GRPEL1: variants seen among roughly 807,000 people sequenced by gnomAD.
GRPEL1 encodes GrpE like 1, mitochondrial.
GRPEL1 carries 13 observed loss-of-function variants against 22.1 expected under a neutral mutation model. The observed-to-expected ratio is 0.59, with a 90% CI of 0.38 to 0.94. GRPEL1 has a LOEUF of 0.94. GRPEL1 is among the 40% of genes least tolerant of loss of function. The probability of loss-of-function intolerance (pLI) is 0.00; values close to 1 mark genes in which losing one functional copy is unlikely to be tolerated. For synonymous variants in GRPEL1, 109 were observed against 105.3 expected, an observed-to-expected ratio of 1.03 and a Z score of -0.21; for missense variants, 289 against 264.6, an observed-to-expected ratio of 1.09 and a Z score of -0.64.
In GRPEL1 at chr4:7,064,314, A is replaced by T. The variant is rs1434282081; in HGVS notation, c.63-91T>A. The T allele has an allele frequency of 3.0e-6, 4 of 1,349,278 alleles. No homozygotes were observed. The African/African-American group carries it at 4.4e-5, about 15-fold the overall frequency. The allele number at this position is 1,349,278 out of a possible 1,614,324, so 83.6% of individuals were successfully genotyped here. The stretch of plus-strand genomic sequence containing the variant: ...GACTTTAGAAACTTAAAATAGCTTC[A>T]AACTATTTACTATTACTTGGGGAGA... On this transcript the variant is annotated intron_variant, in intron 1 of 3. Transcript: ENST00000264954.
chr4:7,061,405 A>G, intron 3 of GRPEL1, 197 bp from the exon 4 acceptor site: 1 of 557,472 alleles, frequency 1.8e-6, no homozygotes, highest in Non-Finnish European at 3.1e-6. Flanking sequence ...CCCAGAATTT[A>G]CTAAATTTAG....
chr4:7,061,230 C>G lies in GRPEL1; in HGVS notation c.308-22G>C, dbSNP rs376078373. On this transcript the variant is annotated intron_variant, in intron 3 of 3. Transcript: ENST00000264954. ...ATGCCTGGATGAAGTTAAAGAAGAT[C>G]ATTTGCACTCCATACCAACCGCACA... 4.1e-5 allele frequency: 64 copies of G among 1,580,212 alleles called. No homozygotes were observed. The African/African-American group carries it at 7.2e-4, about 18-fold the overall frequency.
rs967458504 is a variant in GRPEL1, at chr4:7,060,371, G to C, written c.*491C>G. Reference sequence around the variant, plus strand: ...GACTGAAGACAAACGAACTCACTATGTTCTTCACAAAGATCATTTTTTTTA... The same window carrying C: ...GACTGAAGACAAACGAACTCACTATCTTCTTCACAAAGATCATTTTTTTTA... On this transcript the variant is annotated 3_prime_UTR_variant, in exon 4 of 4. Transcript: ENST00000264954. 1.9e-5 allele frequency: 3 copies of C among 157,148 alleles called. No individual in the cohort carries two copies. Among genetic ancestry groups the C allele is most frequent in the African/African-American group, 7.2e-5 (3 of 41,448 alleles). The allele number at this position is 157,148 out of a possible 1,614,324, so 9.7% of individuals were successfully genotyped here.
intron 2 of GRPEL1, among the ~76,000 whole-genome samples, chr4:7,063,096 CTTT>C (rs767635624): frequency 7.0e-6 from 1 of 142,048 alleles, no homozygotes; most frequent in Non-Finnish European, 1.5e-5. Context: ...TCATCTGAGC[CTTT>C]TTTTTTTTTT....
chr4:7,063,987 C>T lies in GRPEL1; in HGVS notation c.225+74G>A, dbSNP rs1443267595. On this transcript the variant is annotated intron_variant, in intron 2 of 3. Coordinates refer to ENST00000264954, the MANE Select transcript of GRPEL1 (RefSeq NM_025196.4). ...GGCTTTAGTCTGTCACCAATGAAAC[C>T]TGGAACCTTTATGTGGCCCAGGAGA... The T allele has an allele frequency of 2.0e-6, 3 of 1,500,706 alleles. No homozygotes were observed. In the African/African-American group the frequency reaches 4.2e-5, roughly 21 times the overall value. 93.0% of individuals were successfully genotyped at this position (1,500,706 alleles called of 1,614,324 possible).
Position 7,060,652 on chromosome 4 carries a change from AT to A in GRPEL1, c.*209del. 1 of 588,010 alleles carries A rather than the reference AT, an allele frequency of 1.7e-6. No individual in the cohort carries two copies. The allele number at this position is 588,010 out of a possible 1,614,324, so 36.4% of individuals were successfully genotyped here. A position where few individuals can be genotyped will look rare whatever the true frequency, so the allele number is the denominator to read the frequency against. Reference sequence around the variant, plus strand: ...AGCTCTTCTGAAAGTATGTGGAACTATTCAACGCGTGGCACTAAAAGGGAAC... The same window carrying A: ...AGCTCTTCTGAAAGTATGTGGAACTATCAACGCGTGGCACTAAAAGGGAAC... On this transcript the variant is annotated 3_prime_UTR_variant, in exon 4 of 4. Transcript: ENST00000264954.
chr4:7,067,524 G>A, intron 1 of GRPEL1: 1 of 196,608 alleles, frequency 5.1e-6, no homozygotes, highest in Non-Finnish European at 1.0e-5. Flanking sequence ...CTCCTGCCCA[G>A]GGCACACCCG....
In GRPEL1 at chr4:7,059,553, G is replaced by A. The variant is rs1723986600; in HGVS notation, c.*1309C>T. 1 of 152,154 alleles carries A rather than the reference G, an allele frequency of 6.6e-6. No individual in the cohort carries two copies. The highest frequency in any genetic ancestry group is 2.1e-4 in the South Asian group (1 of 4,830). 9.4% of individuals were successfully genotyped at this position (152,154 alleles called of 1,614,324 possible). A position where few individuals can be genotyped will look rare whatever the true frequency, so the allele number is the denominator to read the frequency against. Reference sequence around the variant, plus strand: ...AATTAACTTAAGGCATCTTAAAGGTGGAACATGTTTGGGAATGGTATCCCA... The same window carrying A: ...AATTAACTTAAGGCATCTTAAAGGTAGAACATGTTTGGGAATGGTATCCCA... On this transcript the variant is annotated 3_prime_UTR_variant, in exon 4 of 4. Coordinates refer to ENST00000264954, the MANE Select transcript of GRPEL1 (RefSeq NM_025196.4).
chr4:7,062,356 G>T, intron 3 of GRPEL1, 29 bp downstream of exon 3: 1 of 1,227,346 alleles, frequency 8.1e-7, no homozygotes, highest in Non-Finnish European at 1.2e-6. Flanking sequence ...CTTCTTTCCG[G>T]AATCAACACC....
intron 1 of GRPEL1, chr4:7,067,639 A>C (rs1724202661): frequency 1.3e-5 from 5 of 396,426 alleles, no homozygotes; most frequent in Non-Finnish European, 2.3e-5. Flanking sequence ...GAGCGCCGAG[A>C]CCGTGAATGC....
Position 7,060,945 on chromosome 4 carries a change from CTG to C in GRPEL1, c.569_570del (p.Thr190SerfsTer5). On this transcript the variant is annotated frameshift_variant, in exon 4 of 4. Transcript: ENST00000264954. LOFTEE classifies it high-confidence loss of function. The part of the protein sequence containing the change: ...HTPVEGKEPG[T>X]VALVSKVGYK... ...TACCCCACTTTGCTAACTAGGGCCACTGTGCCTGGCTCCTTCCCCTCAACCGG... is the reference window on the plus strand; with the variant it reads ...TACCCCACTTTGCTAACTAGGGCCACTGCCTGGCTCCTTCCCCTCAACCGG... The C allele has an allele frequency of 6.2e-7, 1 of 1,614,218 alleles. No individual in the cohort carries two copies. Among genetic ancestry groups the C allele is most frequent in the Non-Finnish European group, 8.5e-7 (1 of 1,180,046 alleles).
chr4:7,063,956 A>G, intron 2 of GRPEL1, 105 bp downstream of exon 2: 1 of 1,323,914 alleles, frequency 7.6e-7, no homozygotes. Flanking sequence ...ACAACGGCTT[A>G]ACTCTGGCTT....
At chr4:7,066,607 G>A (rs1430689264) in intron 1 of GRPEL1, among the ~76,000 whole-genome samples, 1 of 152,224 alleles carries the variant, frequency 6.6e-6, no homozygotes, top group African/African-American at 2.4e-5. Context: ...TAAAAACTGA[G>A]TGTACTGTTG....
Position 7,061,155 on chromosome 4 carries a change from C to T in GRPEL1, c.361G>A (p.Ala121Thr). The change falls in exon 4 of 4, where the codon GCA (alanine) becomes ACA (threonine). Residue 121 changes from alanine to threonine, a missense_variant. By Grantham distance (58) the Ala-to-Thr change is moderately conservative. Transcript: ENST00000264954. Reference sequence around the variant, plus strand: ...TCTTCTTTTGGAACACACTGTGTTGCCTTCTCCAGAACGTCTGCCACCTCC... The same window carrying T: ...TCTTCTTTTGGAACACACTGTGTTGTCTTCTCCAGAACGTCTGCCACCTCC... ...LLEVADVLEK[A>T]TQCVPKEEIK... 6.2e-7 allele frequency: 1 copy of T among 1,614,032 alleles called. No homozygotes were observed. The highest frequency in any genetic ancestry group is 1.1e-5 in the South Asian group (1 of 91,062).
chr4:7,064,017 C>A (rs376303484), intron 2 of GRPEL1, 44 bp downstream of exon 2: 8 of 1,588,908 alleles, frequency 5.0e-6, no homozygotes, highest in South Asian at 1.1e-5. Flanking sequence ...AGGAGAGAAA[C>A]AGTTCAGCCG....
intron 1 of GRPEL1, among the ~76,000 whole-genome samples, chr4:7,066,498 G>A (rs562354774): frequency 2.4e-4 from 36 of 152,334 alleles, no homozygotes; most frequent in African/African-American, 8.7e-4. Context: ...GTGGAAAGAA[G>A]TGGAGTGGAA....
Position 7,060,932 on chromosome 4 carries a change from C to A in GRPEL1, c.584G>T (p.Ser195Ile). The A allele has an allele frequency of 1.9e-6, 3 of 1,614,206 alleles. No homozygotes were observed. The highest frequency in any genetic ancestry group is 2.5e-6 in the Non-Finnish European group (3 of 1,180,038). ...CCCATGCAGCTTGTACCCCACTTTGCTAACTAGGGCCACTGTGCCTGGCTC... is the reference window on the plus strand; with the variant it reads ...CCCATGCAGCTTGTACCCCACTTTGATAACTAGGGCCACTGTGCCTGGCTC... ...GKEPGTVALV[S>I]KVGYKLHGRT... is the part of the protein sequence containing the mutation. The change falls in exon 4 of 4, where the codon AGC becomes ATC. Residue 195 changes from serine (S) to isoleucine (I), a missense_variant. Coordinates refer to ENST00000264954, the MANE Select transcript of GRPEL1 (RefSeq NM_025196.4).
At chr4:7,067,764 C>G (rs972897812) in intron 1 of GRPEL1, among the ~76,000 whole-genome samples, 2 of 152,250 alleles carry the variant, frequency 1.3e-5, no homozygotes, top group Admixed American at 6.5e-5. Context: ...CCCGCCCGCT[C>G]CACGCTTCCC....
intron 1 of GRPEL1, 29 bp downstream of exon 1, chr4:7,067,942 T>A: frequency 1.2e-6 from 2 of 1,610,758 alleles, no homozygotes; most frequent in Non-Finnish European, 1.7e-6. Context: ...CGCTGCCACC[T>A]CCACCCAGGG....
Sources: gnomAD v4.1 joint callset for allele counts (sites outside exome capture counted in the v4.1 genomes callset) on GRCh38, gnomAD v4.1.1 for gene constraint, MANE v1.5 for transcripts, NCBI Gene and HGNC (gene_info 2026-07-23, HGNC 2026-07-21) for gene names.